DDRGK1: variants seen among roughly 807,000 people sequenced by gnomAD.
DDRGK1 encodes DDRGK domain containing 1.
In DDRGK1, 38 loss-of-function variants were observed where a neutral mutation model predicts 45.8. The observed-to-expected ratio is 0.83, with a 90% CI of 0.64 to 1.09. The LOEUF is 1.09. DDRGK1 is among the 50% of genes least tolerant of loss of function. The probability of loss-of-function intolerance (pLI) is 0.00; values close to 1 mark genes in which losing one functional copy is unlikely to be tolerated. For synonymous variants in DDRGK1, 171 were observed against 168.7 expected (o/e 1.01, Z -0.11); for missense variants, 403 against 419.9 (o/e 0.96, Z 0.35).
At chr20:3,196,986 G>A (rs1012824992) in intron 4 of DDRGK1, among the ~76,000 whole-genome samples, 3 of 152,102 alleles carry the variant, frequency 2.0e-5, no homozygotes, top group Non-Finnish European at 4.4e-5. Context: ...ACTTTGGGAG[G>A]CTGAGGCAGG....
intron 6 of DDRGK1, among the ~76,000 whole-genome samples, chr20:3,192,198 C>T (rs1015654276): frequency 1.3e-5 from 2 of 152,042 alleles, no homozygotes; most frequent in African/African-American, 4.8e-5. Context: ...TGGACAAGTT[C>T]AAGGGGACGC....
At chr20:3,200,607 C>T (rs1043063621) in intron 2 of DDRGK1, among the ~76,000 whole-genome samples, 153 bp from the exon 3 acceptor site, 1 of 152,206 alleles carries the variant, frequency 6.6e-6, no homozygotes, top group South Asian at 2.1e-4. Flanking sequence ...GAGGCATCTG[C>T]CATGAGTGCG....
rs768208649 is a variant in DDRGK1 at position 3,204,611 on chromosome 20, C to T, written c.17G>A (p.Trp6Ter). MVAPV[W>*]YLVAAALLVG... The stretch of plus-strand genomic sequence containing the variant: ...TAGCAGAGCCGCCGCTACCAAGTAC[C>T]ACACAGGCGCCACCATGACGAGGGC... The change falls in exon 1 of 9, where the codon TGG becomes TAG. Residue 6 changes from tryptophan to a stop codon, truncating the protein, a stop_gained. Coordinates refer to ENST00000354488, the MANE Select transcript of DDRGK1 (RefSeq NM_023935.3). LOFTEE classifies it high-confidence loss of function. 1.9e-5 allele frequency: 30 copies of T among 1,589,598 alleles called. No individual in the cohort carries two copies. The South Asian group carries it at 3.4e-4, about 18-fold the overall frequency.
intron 8 of DDRGK1, 24 bp downstream of exon 8, chr20:3,191,166 A>G: frequency 6.2e-7 from 1 of 1,614,106 alleles, no homozygotes; most frequent in African/African-American, 1.3e-5. Context: ...CCAGGACTGC[A>G]GTGATTGGCT....
In DDRGK1 at chr20:3,199,757, G is replaced by A. The variant is rs11700369; in HGVS notation, c.510+244C>T. Among the ~76,000 whole-genome samples the A allele has an allele frequency of 0.1, 15,835 of 152,028 alleles. 964 individuals are homozygous for A. The highest frequency in any genetic ancestry group is 0.13 in the African/African-American group (5,495 of 41,442). ...TCTGCCCAGCTATCCTCCTCGCCTC[G>A]CGTTCCTCACATGCTCCCCGAAAGT... On this transcript the variant is annotated intron_variant, in intron 4 of 8. Transcript: ENST00000354488.
At chr20:3,195,383 T>G in intron 4 of DDRGK1, 30 bp from the exon 5 acceptor site, 5 of 1,568,840 alleles carry the variant, frequency 3.2e-6, no homozygotes, top group Non-Finnish European at 3.4e-6. Context: ...AAGTCAGGTA[T>G]CGGGGGCAGA....
intron 4 of DDRGK1, among the ~76,000 whole-genome samples, chr20:3,198,772 T>G (rs564982354): frequency 2.8e-4 from 36 of 128,150 alleles, no homozygotes; most frequent in African/African-American, 1.0e-3. Flanking sequence ...TAAGGAGACA[T>G]GACCACTAAA....
At chr20:3,197,147 T>C (rs1416245295) in intron 4 of DDRGK1, among the ~76,000 whole-genome samples, 1 of 142,656 alleles carries the variant, frequency 7.0e-6, no homozygotes, top group Admixed American at 7.5e-5. Flanking sequence ...CGCTTGAACC[T>C]GGGAAGCGGA....
intron 2 of DDRGK1, among the ~76,000 whole-genome samples, chr20:3,201,593 A>C (rs909864799): frequency 1.3e-5 from 2 of 152,038 alleles, no homozygotes; most frequent in East Asian, 3.9e-4. Flanking sequence ...CTGGATATTT[A>C]AGGTACTGTG....
chr20:3,199,855 G>C, intron 4 of DDRGK1, 146 bp downstream of exon 4: 1 of 658,344 alleles, frequency 1.5e-6, no homozygotes, highest in Non-Finnish European at 2.4e-6. Flanking sequence ...GGCTGTGGTG[G>C]AGCCTAGGGA....
At chr20:3,195,915 T>G (rs1239057429) in intron 4 of DDRGK1, among the ~76,000 whole-genome samples, 4 of 152,066 alleles carry the variant, frequency 2.6e-5, no homozygotes, top group African/African-American at 9.7e-5. Context: ...CTTTCCTCCC[T>G]TGGCTTCCAG....
chr20:3,196,524 A>G (rs1210432703), intron 4 of DDRGK1, among the ~76,000 whole-genome samples: 6 of 148,754 alleles, frequency 4.0e-5, no homozygotes, highest in Non-Finnish European at 6.0e-5. Context: ...AAAAATACAA[A>G]AAAAAAATTA....
At chr20:3,192,188 T>C (rs1231622349) in intron 6 of DDRGK1, among the ~76,000 whole-genome samples, 1 of 151,742 alleles carries the variant, frequency 6.6e-6, no homozygotes, top group African/African-American at 2.4e-5. Context: ...TTTAACATCA[T>C]GGACAAGTTC....
Position 3,203,289 on chromosome 20 carries a change from G to T in DDRGK1, c.219C>A (p.Arg73=). ...GCTGGGCTCGACGCTGGGCCTGTAGGCGGCTGCCCAGGTCCCTCCGGCGCC... is the reference window on the plus strand; with the variant it reads ...GCTGGGCTCGACGCTGGGCCTGTAGTCGGCTGCCCAGGTCCCTCCGGCGCC... The part of the protein sequence containing the change: ...RPRRRRDLGS[R]LQAQRRAQRV... The change falls in exon 2 of 9, where the codon CGC becomes CGA. Residue 73 remains arginine (R), a synonymous_variant. Transcript: ENST00000354488. 6.2e-7 allele frequency: 1 copy of T among 1,607,978 alleles called. No homozygotes were observed. The highest frequency in any genetic ancestry group is 8.5e-7 in the Non-Finnish European group (1 of 1,176,694).
intron 6 of DDRGK1, among the ~76,000 whole-genome samples, chr20:3,192,973 G>C (rs943502988): frequency 6.6e-6 from 1 of 152,148 alleles, no homozygotes; most frequent in Non-Finnish European, 1.5e-5. Flanking sequence ...ATCAGGCAGC[G>C]GGCTCTCAGT....
chr20:3,204,417 CG>C, intron 1 of DDRGK1, 119 bp downstream of exon 1: 2 of 1,000,778 alleles, frequency 2.0e-6, no homozygotes, highest in Non-Finnish European at 2.9e-6. Context: ...AGCGCACGGA[CG>C]CGCATGCGTC....
At chr20:3,191,168 T>G in intron 8 of DDRGK1, 22 bp downstream of exon 8, 4 of 1,614,102 alleles carry the variant, frequency 2.5e-6, no homozygotes, top group Non-Finnish European at 3.4e-6. Context: ...AGGACTGCAG[T>G]GATTGGCTCT....
At chr20:3,200,861 A>G (rs1372145894) in intron 2 of DDRGK1, among the ~76,000 whole-genome samples, 1 of 152,188 alleles carries the variant, frequency 6.6e-6, no homozygotes. Flanking sequence ...CTGTAATCCC[A>G]GAACTTTGGG....
At chr20:3,191,087 C>T (rs1568498384) in intron 8 of DDRGK1, 103 bp downstream of exon 8, 1 of 1,469,780 alleles carries the variant, frequency 6.8e-7, no homozygotes, top group East Asian at 2.3e-5. Flanking sequence ...ACCCCTCCCC[C>T]CATCTTGGGT....
Sources: gnomAD v4.1 joint callset for allele counts (sites outside exome capture counted in the v4.1 genomes callset) on GRCh38, gnomAD v4.1.1 for gene constraint, MANE v1.5 for transcripts, NCBI Gene and HGNC (gene_info 2026-07-23, HGNC 2026-07-21) for gene names.